The following CCDC192 variants were observed in gnomAD, a reference collection of about 807,000 sequenced individuals.
The protein encoded by CCDC192 is coiled-coil domain containing 192, also known as coiled-coil domain-containing protein 192.
intron 5 of CCDC192, among the ~76,000 whole-genome samples, chr5:127,841,078 T>C (rs994054952): frequency 6.6e-6 from 1 of 152,186 alleles, no homozygotes; most frequent in Non-Finnish European, 1.5e-5. Context: ...TGAAATACTT[T>C]ACAGTGCCAG....
intron 6 of CCDC192, among the ~76,000 whole-genome samples, chr5:127,884,365 AAAAAGAAGAGGGAAGAGACTGCATCTC>A (rs1752480108): frequency 6.8e-6 from 1 of 146,934 alleles, no homozygotes; most frequent in Non-Finnish European, 1.5e-5. Flanking sequence ...AAAAAAAAAA[AAAAAGAAGAGGGAAGAGACTGCATCTC>A]AAAAAAAAAA....
intron 5 of CCDC192, among the ~76,000 whole-genome samples, chr5:127,864,706 T>G (rs1167754595): frequency 6.6e-6 from 1 of 152,230 alleles, no homozygotes; most frequent in African/African-American, 2.4e-5. Context: ...CCTTTCCCTC[T>G]CTCTCTGTTT....
intron 3 of CCDC192, among the ~76,000 whole-genome samples, chr5:127,761,078 C>G (rs946295651): frequency 6.6e-6 from 1 of 152,216 alleles, no homozygotes; most frequent in Non-Finnish European, 1.5e-5. Context: ...TCCTGCTCCC[C>G]TTCAAGCCCA....
At chr5:127,843,583 A>G (rs987704268) in intron 5 of CCDC192, among the ~76,000 whole-genome samples, 6 of 151,942 alleles carry the variant, frequency 3.9e-5, no homozygotes, top group African/African-American at 9.7e-5. Context: ...TATTACAGGC[A>G]TGCACTACCA....
At chr5:127,750,137 A>G (rs1286807479) in intron 2 of CCDC192, among the ~76,000 whole-genome samples, 1 of 151,772 alleles carries the variant, frequency 6.6e-6, no homozygotes, top group Non-Finnish European at 1.5e-5. Flanking sequence ...GATTTTAGTT[A>G]TTTCTTGCCT....
chr5:127,707,334 A>T (rs1743146645), intron 1 of CCDC192, among the ~76,000 whole-genome samples: 1 of 151,540 alleles, frequency 6.6e-6, no homozygotes, highest in South Asian at 2.1e-4. Context: ...AGAGAGGGAG[A>T]GAGAACAGTG....
chr5:127,926,113 T>C (rs546421399), intron 6 of CCDC192, among the ~76,000 whole-genome samples: 205 of 152,310 alleles, frequency 1.3e-3, no homozygotes, highest in African/African-American at 4.8e-3. Context: ...CTTTGCCTTA[T>C]TTGAACACAG....
chr5:127,843,183 C>T (rs529485630), intron 5 of CCDC192, among the ~76,000 whole-genome samples: 33 of 150,890 alleles, frequency 2.2e-4, no homozygotes, highest in Admixed American at 2.6e-4. Context: ...TACAGGTGCC[C>T]GCCACCATGC....
chr5:127,783,650 T>C (rs1756371469), intron 3 of CCDC192, among the ~76,000 whole-genome samples: 3 of 152,204 alleles, frequency 2.0e-5, no homozygotes, highest in African/African-American at 2.4e-5. Context: ...TGTTCCAAGG[T>C]ATAGCTTAAA....
At chr5:127,759,778 C>T (rs371580552) in intron 3 of CCDC192, among the ~76,000 whole-genome samples, 219 of 152,342 alleles carry the variant, frequency 1.4e-3, no homozygotes, top group African/African-American at 5.1e-3. Flanking sequence ...CTGCCCCGCT[C>T]GCTACCCAAG....
At chr5:127,849,259 T>C (rs1750694829) in intron 5 of CCDC192, among the ~76,000 whole-genome samples, 1 of 152,058 alleles carries the variant, frequency 6.6e-6, no homozygotes, top group Non-Finnish European at 1.5e-5. Context: ...TAAAAGGACA[T>C]TGAATTTACT....
chr5:127,911,236 G>A (rs552498864), intron 6 of CCDC192, among the ~76,000 whole-genome samples: 1 of 152,258 alleles, frequency 6.6e-6, no homozygotes, highest in African/African-American at 2.4e-5. Flanking sequence ...TCAAGCCCAG[G>A]GGACATGAAG....
At chr5:127,743,253 C>T (rs187139613) in intron 2 of CCDC192, among the ~76,000 whole-genome samples, 2 of 152,084 alleles carry the variant, frequency 1.3e-5, no homozygotes, top group Admixed American at 1.3e-4. Context: ...GTCAGTTTTG[C>T]TCTTCCCCTA....
chr5:127,853,824 T>A (rs1414138350), intron 5 of CCDC192, among the ~76,000 whole-genome samples: 1 of 151,582 alleles, frequency 6.6e-6, no homozygotes, highest in African/African-American at 2.4e-5. Flanking sequence ...ACATCTGGAG[T>A]GAGAATTCTC....
chr5:127,907,302 C>T (rs1753225075), intron 6 of CCDC192, among the ~76,000 whole-genome samples: 1 of 151,790 alleles, frequency 6.6e-6, no homozygotes. Context: ...GTATTTTTTT[C>T]AAATTTTATG....
chr5:127,875,676 G>A lies in CCDC192; in HGVS notation c.535+15G>A, dbSNP rs535095938. ...AGCCCCTAGAGGTCAGTATTACCACGTGACAGATCCACACTGGCCCGTCAG... is the reference window on the plus strand; with the variant it reads ...AGCCCCTAGAGGTCAGTATTACCACATGACAGATCCACACTGGCCCGTCAG... On this transcript the variant is annotated intron_variant, in intron 6 of 6. Transcript: ENST00000514853. 1.3e-5 allele frequency: 5 copies of A among 398,342 alleles called. No homozygotes were observed. Among genetic ancestry groups the A allele is most frequent in the Admixed American group, 4.4e-5 (1 of 22,676 alleles). The allele number at this position is 398,342 out of a possible 1,614,324, so 24.7% of individuals were successfully genotyped here.
chr5:127,840,012 A>G (rs1224424186), intron 5 of CCDC192, among the ~76,000 whole-genome samples: 2 of 152,204 alleles, frequency 1.3e-5, no homozygotes, highest in Non-Finnish European at 2.9e-5. Flanking sequence ...GACACTTAAT[A>G]AACACTTAAC....
chr5:127,774,126 C>A (rs1755718024), intron 3 of CCDC192, among the ~76,000 whole-genome samples: 1 of 151,876 alleles, frequency 6.6e-6, no homozygotes, highest in African/African-American at 2.4e-5. Flanking sequence ...CTTTTTGTTG[C>A]CGAATTGTAA....
At chr5:127,895,054 T>G (rs1352248948) in intron 6 of CCDC192, among the ~76,000 whole-genome samples, 1 of 152,204 alleles carries the variant, frequency 6.6e-6, no homozygotes, top group Non-Finnish European at 1.5e-5. Flanking sequence ...GTTACGTAAG[T>G]AAGCGTGTGC....
Sources: gnomAD v4.1 joint callset for allele counts (sites outside exome capture counted in the v4.1 genomes callset) on GRCh38, gnomAD v4.1.1 for gene constraint, MANE v1.5 for transcripts, NCBI Gene and HGNC (gene_info 2026-07-23, HGNC 2026-07-21) for gene names.